STPG2: variants seen among roughly 807,000 people sequenced by gnomAD.
The protein encoded by STPG2 is sperm tail PG-rich repeat containing 2.
Under a neutral mutation model 54.2 loss-of-function variants are expected in STPG2, and 56 were observed. The ratio of observed to expected loss-of-function variants is 1.03; its 90% CI spans 0.83 to 1.29. The LOEUF (loss-of-function observed/expected upper bound fraction) is 1.29. STPG2 is among the 50% of genes most tolerant of loss of function. The probability of loss-of-function intolerance (pLI) is 0.00; values close to 1 mark genes in which losing one functional copy is unlikely to be tolerated. For synonymous variants in STPG2, 200 were observed against 181.8 expected (o/e 1.10, Z -0.81); for missense variants, 596 against 544.9 (o/e 1.09, Z -0.93).
chr4:97,699,212 A>G (rs1723686693), intron 10 of STPG2, among the ~76,000 whole-genome samples: 1 of 152,188 alleles, frequency 6.6e-6, no homozygotes, highest in Admixed American at 6.5e-5. Flanking sequence ...TGGTGAGTGG[A>G]AATCCATGTT....
chr4:98,136,583 T>A (rs7657644), intron 1 of STPG2, among the ~76,000 whole-genome samples: 59,865 of 151,398 alleles, frequency 0.4, 12,082 homozygotes, highest in Middle Eastern at 0.46. Context: ...TGCAAAATTT[T>A]AAAAAAATGT....
At chr4:97,961,114 C>T (rs910003113) in intron 7 of STPG2, among the ~76,000 whole-genome samples, 33 of 150,722 alleles carry the variant, frequency 2.2e-4, no homozygotes, top group African/African-American at 7.5e-4. Context: ...ACACCCTATT[C>T]AACAAACGTG....
At chr4:97,524,089 C>G (rs1731234774) in intron 4 of STPG2, among the ~76,000 whole-genome samples, 1 of 151,814 alleles carries the variant, frequency 6.6e-6, no homozygotes, top group African/African-American at 2.4e-5. Context: ...AATGGAAACC[C>G]CAGATACACA....
At chr4:98,117,432 T>C (rs3907020) in intron 3 of STPG2, among the ~76,000 whole-genome samples, 59,347 of 151,796 alleles carry the variant, frequency 0.39, 11,844 homozygotes, top group Middle Eastern at 0.45. Flanking sequence ...TTAGAGTTTG[T>C]TGAGCTTCTT....
At chr4:97,843,734 G>A (rs1040045720) in intron 8 of STPG2, among the ~76,000 whole-genome samples, 7 of 151,888 alleles carry the variant, frequency 4.6e-5, no homozygotes, top group Non-Finnish European at 7.4e-5. Flanking sequence ...CTACTTCAAA[G>A]GAAGGTGGGT....
chr4:97,546,446 A>G (rs1412026589), intron 4 of STPG2, among the ~76,000 whole-genome samples: 1 of 152,138 alleles, frequency 6.6e-6, no homozygotes, highest in South Asian at 2.1e-4. Context: ...ATGACAGAAT[A>G]AGATTGGCAG....
At chr4:97,979,450 T>G (rs1479147262) in intron 6 of STPG2, among the ~76,000 whole-genome samples, 1 of 152,196 alleles carries the variant, frequency 6.6e-6, no homozygotes, top group Non-Finnish European at 1.5e-5. Flanking sequence ...GAGTGTCTGA[T>G]CTGATTATCC....
intron 4 of STPG2, among the ~76,000 whole-genome samples, chr4:97,544,444 C>T (rs756539797): frequency 6.6e-6 from 1 of 151,920 alleles, no homozygotes; most frequent in Non-Finnish European, 1.5e-5. Context: ...CAAAAACATT[C>T]ATGAGGGAAA....
intron 8 of STPG2, among the ~76,000 whole-genome samples, chr4:97,910,005 T>C (rs1406458119): frequency 6.6e-6 from 1 of 152,210 alleles, no homozygotes; most frequent in Admixed American, 6.5e-5. Context: ...TATATGACTT[T>C]GTATGTAAAT....
intron 7 of STPG2, among the ~76,000 whole-genome samples, chr4:97,946,811 G>A (rs1328064269): frequency 6.6e-6 from 1 of 151,752 alleles, no homozygotes; most frequent in Non-Finnish European, 1.5e-5. Context: ...AGTACAATCT[G>A]AAGTCCAGTA....
At chr4:98,031,820 G>A (rs1219616467) in intron 5 of STPG2, among the ~76,000 whole-genome samples, 2 of 152,150 alleles carry the variant, frequency 1.3e-5, no homozygotes, top group Non-Finnish European at 2.9e-5. Flanking sequence ...CTATACAATT[G>A]ACAGAGGACT....
At chr4:97,520,893 T>C (rs1472500460) in intron 4 of STPG2, among the ~76,000 whole-genome samples, 4 of 151,972 alleles carry the variant, frequency 2.6e-5, no homozygotes, top group Admixed American at 2.6e-4. Flanking sequence ...TTTTTTTGGT[T>C]ATAGAGTTTG....
At chr4:97,537,880 G>A (rs1040590814) in intron 4 of STPG2, among the ~76,000 whole-genome samples, 6 of 152,200 alleles carry the variant, frequency 3.9e-5, no homozygotes, top group African/African-American at 7.2e-5. Flanking sequence ...AACATTTGCT[G>A]TTCAACAATA....
At chr4:97,504,887 A>ATTTACTGAATGTAAAAGTAC (rs1730812038) in intron 4 of STPG2, among the ~76,000 whole-genome samples, 2 of 152,010 alleles carry the variant, frequency 1.3e-5, no homozygotes, top group Non-Finnish European at 2.9e-5. Context: ...TTGTTTTTAC[A>ATTTACTGAATGTAAAAGTAC]ATTCTGAAAA....
intron 10 of STPG2, among the ~76,000 whole-genome samples, chr4:97,662,207 A>C (rs1351308219): frequency 6.6e-6 from 1 of 152,182 alleles, no homozygotes; most frequent in Non-Finnish European, 1.5e-5. Flanking sequence ...CGCCACTAAA[A>C]AGTGGGCAAA....
intron 10 of STPG2, among the ~76,000 whole-genome samples, chr4:97,653,131 A>ATAGG (rs1722121384): frequency 6.6e-6 from 1 of 152,022 alleles, no homozygotes; most frequent in Non-Finnish European, 1.5e-5. Context: ...AGATAGATAG[A>ATAGG]TAGACAGATA....
intron 4 of STPG2, among the ~76,000 whole-genome samples, chr4:97,510,895 G>C (rs1470951703): frequency 6.6e-6 from 1 of 152,118 alleles, no homozygotes; most frequent in Admixed American, 6.6e-5. Flanking sequence ...TTGAGCCCAG[G>C]AGTTTGAGGC....
intron 9 of STPG2, among the ~76,000 whole-genome samples, chr4:97,740,007 T>C (rs1725166817): frequency 1.3e-5 from 2 of 152,124 alleles, no homozygotes; most frequent in African/African-American, 4.8e-5. Flanking sequence ...TCAAAAAGCT[T>C]ATCCACCATG....
chr4:97,779,100 G>A (rs1483536190), intron 9 of STPG2, among the ~76,000 whole-genome samples: 1 of 152,192 alleles, frequency 6.6e-6, no homozygotes, highest in Non-Finnish European at 1.5e-5. Context: ...TTGATGAGTT[G>A]AGAGAAGAAG....
Sources: gnomAD v4.1 joint callset for allele counts (sites outside exome capture counted in the v4.1 genomes callset) on GRCh38, gnomAD v4.1.1 for gene constraint, MANE v1.5 for transcripts, NCBI Gene and HGNC (gene_info 2026-07-23, HGNC 2026-07-21) for gene names.